STK3: variants seen among roughly 807,000 people sequenced by gnomAD.
The protein encoded by STK3 is serine/threonine kinase 3.
Under a neutral mutation model 58.0 loss-of-function variants are expected in STK3, and 41 were observed. The observed-to-expected ratio is 0.71, with a 90% CI of 0.55 to 0.92. The LOEUF is 0.92. Ranked by LOEUF, STK3 falls within the 40% of genes least tolerant of loss-of-function variation. STK3 has a pLI of 0.00. For synonymous variants in STK3, 170 were observed against 191.0 expected (o/e 0.89, Z 0.91); for missense variants, 479 against 602.7 (o/e 0.79, Z 2.15).
At chr8:98,821,999 A>T (rs1834933204) in intron 1 of STK3, among the ~76,000 whole-genome samples, 2 of 152,304 alleles carry the variant, frequency 1.3e-5, no homozygotes, top group South Asian at 4.1e-4. Flanking sequence ...CCCATGCCTA[A>T]CATTATGTGT....
intron 6 of STK3, among the ~76,000 whole-genome samples, chr8:98,650,307 T>C (rs970224003): frequency 6.6e-6 from 1 of 152,238 alleles, no homozygotes; most frequent in Non-Finnish European, 1.5e-5. Flanking sequence ...AGAAATAACA[T>C]TAGCATTCCA....
chr8:98,742,066 C>A (rs998454452), intron 4 of STK3, among the ~76,000 whole-genome samples: 22 of 152,030 alleles, frequency 1.4e-4, no homozygotes, highest in African/African-American at 3.9e-4. Flanking sequence ...CAATAACAGG[C>A]TCTGAAATTG....
intron 4 of STK3, among the ~76,000 whole-genome samples, chr8:98,720,527 G>A (rs1827323974): frequency 6.6e-6 from 1 of 152,056 alleles, no homozygotes; most frequent in Non-Finnish European, 1.5e-5. Flanking sequence ...GAGGCAGGTG[G>A]ATCACAAGGT....
chr8:98,871,063 G>T (rs1837357921), intron 3 of STK3, among the ~76,000 whole-genome samples: 2 of 152,102 alleles, frequency 1.3e-5, no homozygotes, highest in Non-Finnish European at 2.9e-5. Flanking sequence ...TCTACATATG[G>T]CTAGCCAGTT....
chr8:98,911,002 AG>A (rs1839109561), intron 1 of STK3, among the ~76,000 whole-genome samples: 1 of 152,224 alleles, frequency 6.6e-6, no homozygotes. Flanking sequence ...GTCCATATAT[AG>A]CAAGGCAACA....
At chr8:98,564,320 G>T (rs370473238) in intron 8 of STK3, among the ~76,000 whole-genome samples, 42 of 152,166 alleles carry the variant, frequency 2.8e-4, no homozygotes, top group Middle Eastern at 3.4e-3. Flanking sequence ...ATCATTTAAC[G>T]TCCTCCAGGT....
intron 8 of STK3, among the ~76,000 whole-genome samples, chr8:98,552,590 T>C (rs1309238208): frequency 6.6e-6 from 1 of 152,148 alleles, no homozygotes; most frequent in African/African-American, 2.4e-5. Flanking sequence ...AGTTTGATAA[T>C]TTATTTAACT....
intron 6 of STK3, among the ~76,000 whole-genome samples, chr8:98,637,508 C>T (rs942749227): frequency 6.6e-6 from 1 of 152,138 alleles, no homozygotes; most frequent in Non-Finnish European, 1.5e-5. Flanking sequence ...TTGGCTAACA[C>T]CAACCATACG....
At chr8:98,544,316 A>C (rs1810519094) in intron 9 of STK3, among the ~76,000 whole-genome samples, 1 of 152,200 alleles carries the variant, frequency 6.6e-6, no homozygotes, top group Non-Finnish European at 1.5e-5. Flanking sequence ...AAATAAGTGA[A>C]GGAAAGTTTG....
intron 2 of STK3, among the ~76,000 whole-genome samples, chr8:98,773,454 T>C (rs554222186): frequency 1.3e-5 from 2 of 152,238 alleles, no homozygotes; most frequent in Admixed American, 6.5e-5. Flanking sequence ...ATCTATAATA[T>C]TTTTATAAGA....
chr8:98,851,163 C>T (rs534419243), intron 3 of STK3, among the ~76,000 whole-genome samples: 1 of 152,136 alleles, frequency 6.6e-6, no homozygotes, highest in Non-Finnish European at 1.5e-5. Context: ...AGCAACACCC[C>T]CAACCATCAG....
chr8:98,703,791 C>T (rs2131050538), intron 6 of STK3, among the ~76,000 whole-genome samples: 1 of 152,216 alleles, frequency 6.6e-6, no homozygotes, highest in South Asian at 2.1e-4. Context: ...ATAGGAAGGC[C>T]CACAAACCAG....
chr8:98,353,415 A>G, the STK3 span, among the ~76,000 whole-genome samples: 1 of 152,168 alleles, frequency 6.6e-6, no homozygotes, highest in Non-Finnish European at 1.5e-5. Flanking sequence ...CACTTAAGCC[A>G]GGGATGTCGA....
chr8:98,580,967 T>C (rs954795836), intron 7 of STK3, among the ~76,000 whole-genome samples: 12 of 152,184 alleles, frequency 7.9e-5, no homozygotes, highest in Non-Finnish European at 1.6e-4. Flanking sequence ...CAATAAATTA[T>C]TTTAGAACAG....
At chr8:98,489,880 G>A (rs1822557813) in intron 10 of STK3, among the ~76,000 whole-genome samples, 1 of 151,828 alleles carries the variant, frequency 6.6e-6, no homozygotes, top group Non-Finnish European at 1.5e-5. Flanking sequence ...GTGAACTTTA[G>A]AAACACATTG....
In STK3 at chr8:98,492,523, T is replaced by C. The variant is rs569617882; in HGVS notation, c.1317+34219A>G. On this transcript the variant is annotated intron_variant, in intron 10 of 10. Transcript: ENST00000419617. ...AAATATGCTGAAGATAGTAATAATT[T>C]TAAAAAGGAAATAGTTTAAAGAAAG... Among the ~76,000 whole-genome samples, 152 of 152,242 alleles carry C rather than the reference T, an allele frequency of 1.0e-3. 1 individual carries two copies. The highest frequency in any genetic ancestry group is 3.6e-3 in the African/African-American group (150 of 41,546).
intron 6 of STK3, chr8:98,603,146 C>A (rs1816493354): frequency 6.6e-6 from 1 of 151,534 alleles, no homozygotes; most frequent in African/African-American, 2.4e-5. Context: ...TATAAATAAC[C>A]AAATTTAGGA....
intron 6 of STK3, among the ~76,000 whole-genome samples, chr8:98,670,906 C>T (rs570363196): frequency 1.6e-4 from 24 of 152,238 alleles, no homozygotes; most frequent in African/African-American, 5.1e-4. Context: ...GACAAGAACT[C>T]GGGACCCACT....
intron 3 of STK3, among the ~76,000 whole-genome samples, chr8:98,416,873 G>A (rs1818120082): frequency 6.6e-6 from 1 of 152,170 alleles, no homozygotes; most frequent in South Asian, 2.1e-4. Flanking sequence ...TTCTCTGATG[G>A]GATTGCTTCT....
Sources: gnomAD v4.1 joint callset for allele counts (sites outside exome capture counted in the v4.1 genomes callset) on GRCh38, gnomAD v4.1.1 for gene constraint, MANE v1.5 for transcripts, NCBI Gene and HGNC (gene_info 2026-07-23, HGNC 2026-07-21) for gene names.